The following PPRC1 variants were observed in gnomAD, a reference collection of about 807,000 sequenced individuals.
PPRC1 encodes peroxisome proliferator-activated receptor gamma coactivator-related protein 1.
PPRC1 carries 23 observed loss-of-function variants against 132.5 expected under a neutral mutation model. That is an observed-to-expected ratio of 0.17 (90% CI 0.12 to 0.25). The LOEUF (loss-of-function observed/expected upper bound fraction) is 0.25. Among genes scored for constraint, PPRC1 ranks in the 10% least tolerant of loss-of-function variants. The pLI, the probability that PPRC1 is intolerant of heterozygous loss-of-function variation, is 1.00. For missense variants in PPRC1, 2,006 were observed against 2,089.1 expected (o/e 0.96, Z 0.78); for synonymous variants, 872 against 833.5 (o/e 1.05, Z -0.80).
the PPRC1 span, chr10:102,120,061 C>T: frequency 7.0e-7 from 1 of 1,427,690 alleles, no homozygotes; most frequent in Non-Finnish European, 9.3e-7. Flanking sequence ...CAGGAAGGGG[C>T]CGAGTGGCCG....
chr10:102,127,201 C>G, the PPRC1 span, among the ~76,000 whole-genome samples: 1 of 151,092 alleles, frequency 6.6e-6, no homozygotes, highest in Non-Finnish European at 1.5e-5. Context: ...ATGGTGAAAC[C>G]TTGTCTCTAC....
At chr10:102,125,322 T>C in the PPRC1 span, among the ~76,000 whole-genome samples, 9 of 148,372 alleles carry the variant, frequency 6.1e-5, no homozygotes, top group African/African-American at 2.0e-4. Flanking sequence ...GCAGTGGCAC[T>C]ATCTCAACTC....
chr10:102,129,289 T>TC (rs2068508005), upstream of PPRC1, among the ~76,000 whole-genome samples: 1 of 151,882 alleles, frequency 6.6e-6, no homozygotes, highest in African/African-American at 2.4e-5. Context: ...GAGCATGGAG[T>TC]CAGAAAAGGA....
At chr10:102,124,227 G>A in the PPRC1 span, among the ~76,000 whole-genome samples, 1 of 152,018 alleles carries the variant, frequency 6.6e-6, no homozygotes, top group African/African-American at 2.4e-5. Context: ...ACCACACCTG[G>A]CTAATTTTTG....
At chr10:102,127,231 CA>C in the PPRC1 span, among the ~76,000 whole-genome samples, 1,459 of 151,224 alleles carry the variant, frequency 9.6e-3, 12 homozygotes, top group African/African-American at 0.034. Flanking sequence ...AAAAATTAGG[CA>C]GGTGTGGGGG....
In PPRC1 at chr10:102,139,184, A is replaced by G; in HGVS notation, c.676A>G (p.Arg226Gly). 6.2e-7 allele frequency: 1 copy of G among 1,613,952 alleles called. No individual in the cohort carries two copies. The highest frequency in any genetic ancestry group is 8.5e-7 in the Non-Finnish European group (1 of 1,179,924). ...ETSSPKLPSWRPPRSRPRWGQ... is the reference protein window; with the variant it reads ...ETSSPKLPSWGPPRSRPRWGQ... ...CTCTTCCCCCAAGCTTCCTAGCTGG[A>G]GACCCCCAAGATCAAGACCACGCTG... The change falls in exon 5 of 14, where the codon AGA becomes GGA. Residue 226 changes from arginine (R) to glycine (G), a missense_variant. Arg to Gly is a moderately radical substitution (Grantham distance 125). Around this residue, in one of 2 missense-constraint regions of PPRC1, gnomAD observed 1,914 missense variants for 1,917.2 expected, o/e 1.00. Coordinates refer to ENST00000278070, the MANE Select transcript of PPRC1 (RefSeq NM_015062.5).
rs778112648 is a variant in PPRC1, at chr10:102,138,964, G to A, written c.575G>A (p.Ser192Asn). 7.4e-6 allele frequency: 12 copies of A among 1,613,670 alleles called. No individual in the cohort carries two copies. Among genetic ancestry groups the A allele is most frequent in the Non-Finnish European group, 1.0e-5 (12 of 1,179,654 alleles). Reference protein sequence around the residue: ...PVDPLGPSTGSSRGSGVEMSL... With the variant: ...PVDPLGPSTGNSRGSGVEMSL... ...GACCCACTGGGGCCCAGTACAGGCA[G>A]CAGTAGAGGGAGTGGGGTAAGCCTG... Residue 192 changes from serine to asparagine, a missense_variant, in exon 4 of 14, where the codon AGC (serine) becomes AAC (asparagine). Physicochemically the swap from Ser to Asn is conservative, Grantham distance 46. Transcript: ENST00000278070.
At chr10:102,149,445 C>A in intron 13 of PPRC1, 116 bp downstream of exon 13, 2 of 1,255,358 alleles carry the variant, frequency 1.6e-6, no homozygotes, top group Non-Finnish European at 2.1e-6. Flanking sequence ...ACAAAGAACC[C>A]AAGGGGGCTG....
At position 102,141,427 on chromosome 10, in the gene PPRC1, C is replaced by T. The variant is rs558463648; in HGVS notation, c.2919C>T (p.Tyr973=). The change falls in exon 5 of 14, where the codon TAC becomes TAT. Residue 973 remains tyrosine (Y), a synonymous_variant. Coordinates refer to ENST00000278070, the MANE Select transcript of PPRC1 (RefSeq NM_015062.5). ...WAPPPAPVSP[Y]SSTCTYGPLG... ...CCCCTCCTGCCCCAGTCTCACCTTACAGTTCCACATGTACCTATGGGCCCT... is the reference window on the plus strand; with the variant it reads ...CCCCTCCTGCCCCAGTCTCACCTTATAGTTCCACATGTACCTATGGGCCCT... 2 of 1,613,980 alleles carry T rather than the reference C, an allele frequency of 1.2e-6. No individual in the cohort carries two copies. The highest frequency in any genetic ancestry group is 1.1e-5 in the South Asian group (1 of 91,086).
At chr10:102,128,707 G>A (rs1384919052), upstream of PPRC1, among the ~76,000 whole-genome samples, 3 of 150,554 alleles carry the variant, frequency 2.0e-5, no homozygotes, top group African/African-American at 7.3e-5. Flanking sequence ...CTGCCTCCTG[G>A]GTTCACCTGC....
At chr10:102,136,574 G>A (rs537565665) in intron 1 of PPRC1, among the ~76,000 whole-genome samples, 147 of 152,084 alleles carry the variant, frequency 9.7e-4, no homozygotes, top group Admixed American at 1.8e-3. Context: ...GCCCACATTC[G>A]CATAACTTTT....
At chr10:102,132,701 C>G (rs1281370471), upstream of PPRC1, among the ~76,000 whole-genome samples, 1 of 152,234 alleles carries the variant, frequency 6.6e-6, no homozygotes, top group Non-Finnish European at 1.5e-5. Context: ...AAGGAACGTA[C>G]AGCAGGTAGA....
chr10:102,137,455 G>A (rs2068767332), intron 1 of PPRC1, among the ~76,000 whole-genome samples: 1 of 152,182 alleles, frequency 6.6e-6, no homozygotes, highest in Non-Finnish European at 1.5e-5. Context: ...GGGATTTGAG[G>A]TAGGTGAGGT....
upstream of PPRC1, among the ~76,000 whole-genome samples, chr10:102,131,903 C>T (rs1239343237): frequency 1.3e-5 from 2 of 152,108 alleles, no homozygotes; most frequent in East Asian, 3.8e-4. Flanking sequence ...AGTGATTCAC[C>T]CACTTCAGCC....
chr10:102,130,382 A>G (rs2068521022), upstream of PPRC1, among the ~76,000 whole-genome samples: 1 of 135,930 alleles, frequency 7.4e-6, no homozygotes, highest in Non-Finnish European at 1.5e-5. Context: ...GCGCCACTGC[A>G]CTCCAGCCTG....
chr10:102,119,985 G>A, the PPRC1 span: 3 of 904,272 alleles, frequency 3.3e-6, no homozygotes, highest in Middle Eastern at 2.4e-4. Flanking sequence ...CTTCCCCCAT[G>A]CCATCGACGC....
chr10:102,145,194 T>C, intron 8 of PPRC1, 104 bp downstream of exon 8: 1 of 1,100,220 alleles, frequency 9.1e-7, no homozygotes, highest in East Asian at 2.6e-5. Context: ...CATAGAGATC[T>C]GATCTCCAGC....
At chr10:102,129,853 C>T (rs1288116103), upstream of PPRC1, among the ~76,000 whole-genome samples, 2 of 152,142 alleles carry the variant, frequency 1.3e-5, no homozygotes, top group African/African-American at 4.8e-5. Context: ...ATCCGCCTGC[C>T]TCGGCCTCCC....
At chr10:102,144,011 A>G (rs2069113510) in intron 6 of PPRC1, among the ~76,000 whole-genome samples, 3 of 152,248 alleles carry the variant, frequency 2.0e-5, no homozygotes, top group African/African-American at 7.2e-5. Flanking sequence ...AGGCTTATAC[A>G]TTTGGACTTT....
Sources: gnomAD v4.1 joint callset for allele counts (sites outside exome capture counted in the v4.1 genomes callset) on GRCh38, gnomAD v4.1.1 for gene constraint, gnomAD v4.1.1 regional missense constraint, MANE v1.5 for transcripts, NCBI Gene and HGNC (gene_info 2026-07-23, HGNC 2026-07-21) for gene names.